The following PTPRD variants were observed in gnomAD, a reference collection of about 807,000 sequenced individuals.
PTPRD encodes protein tyrosine phosphatase receptor type D.
In PTPRD, 34 loss-of-function variants were observed where a neutral mutation model predicts 214.5. The observed-to-expected ratio is 0.16, with a 90% CI of 0.12 to 0.21. PTPRD has a LOEUF of 0.21. Among genes scored for constraint, PTPRD ranks in the 10% least tolerant of loss-of-function variants. The pLI is 1.00. For missense variants in PTPRD, 2,545 were observed against 2,398.7 expected, an observed-to-expected ratio of 1.06 and a Z score of -1.27; for synonymous variants, 1,128 against 845.7, an observed-to-expected ratio of 1.33 and a Z score of -5.79.
chr9:10,203,976 G>C (rs751076002), intron 3 of PTPRD, among the ~76,000 whole-genome samples: 3 of 152,116 alleles, frequency 2.0e-5, no homozygotes, highest in Non-Finnish European at 4.4e-5. Context: ...TTTGATGGCA[G>C]AATCTGTGAA....
At chr9:9,054,715 T>C (rs556836330) in intron 10 of PTPRD, among the ~76,000 whole-genome samples, 1 of 152,326 alleles carries the variant, frequency 6.6e-6, no homozygotes, top group East Asian at 1.9e-4. Context: ...ATTGATCATA[T>C]ACTGGTGTGT....
chr9:9,974,202 G>A (rs2095265318), intron 4 of PTPRD, among the ~76,000 whole-genome samples: 1 of 152,174 alleles, frequency 6.6e-6, no homozygotes, highest in Non-Finnish European at 1.5e-5. Flanking sequence ...TGACACATAT[G>A]TAACGATTAC....
intron 39 of PTPRD, among the ~76,000 whole-genome samples, chr9:8,370,712 ACAGAGAAAT>A (rs2081280736): frequency 6.6e-6 from 1 of 152,052 alleles, no homozygotes; most frequent in South Asian, 2.1e-4. Context: ...GGAAGGCTTG[ACAGAGAAAT>A]CAGAGAAATG....
intron 9 of PTPRD, among the ~76,000 whole-genome samples, chr9:9,243,409 G>A (rs555254698): frequency 2.0e-4 from 31 of 152,128 alleles, no homozygotes; most frequent in Non-Finnish European, 2.9e-4. Context: ...CTGGCAAACC[G>A]AATCCAGCAG....
At chr9:8,409,267 C>A (rs1323019933) in intron 35 of PTPRD, among the ~76,000 whole-genome samples, 9 of 152,114 alleles carry the variant, frequency 5.9e-5, no homozygotes, top group Non-Finnish European at 8.8e-5. Flanking sequence ...AAATAACTTT[C>A]TCAGGGTCAA....
chr9:10,449,109 G>GC (rs1424984904), intron 2 of PTPRD, among the ~76,000 whole-genome samples: 2 of 150,356 alleles, frequency 1.3e-5, no homozygotes, highest in African/African-American at 5.0e-5. Context: ...GGACTGTACT[G>GC]CCGCCATCTC....
intron 35 of PTPRD, among the ~76,000 whole-genome samples, chr9:8,418,298 C>G (rs1028465619): frequency 2.6e-5 from 4 of 151,632 alleles, no homozygotes; most frequent in African/African-American, 9.7e-5. Context: ...CAATTCATTA[C>G]TGCCTGGAGC....
intron 9 of PTPRD, among the ~76,000 whole-genome samples, chr9:9,327,727 T>G (rs2040556333): frequency 6.6e-6 from 1 of 152,108 alleles, no homozygotes; most frequent in South Asian, 2.1e-4. Flanking sequence ...AATACTTCTA[T>G]TTTTTCACTG....
At chr9:10,223,997 G>A (rs547460994) in intron 3 of PTPRD, among the ~76,000 whole-genome samples, 26 of 151,608 alleles carry the variant, frequency 1.7e-4, no homozygotes, top group Middle Eastern at 3.4e-3. Context: ...ATATGATTAC[G>A]TTGATTTGAA....
intron 20 of PTPRD, among the ~76,000 whole-genome samples, chr9:8,520,965 C>A (rs1564029570): frequency 6.6e-6 from 1 of 151,990 alleles, no homozygotes; most frequent in Admixed American, 6.6e-5. Context: ...AGACTGTACA[C>A]ATCAGTCCCA....
At chr9:8,367,130 G>A (rs941077043) in intron 39 of PTPRD, among the ~76,000 whole-genome samples, 3 of 152,138 alleles carry the variant, frequency 2.0e-5, no homozygotes, top group South Asian at 2.1e-4. Flanking sequence ...TTCAAGTAAT[G>A]AGCCTAGTTC....
chr9:9,504,373 T>G (rs2154233195), intron 8 of PTPRD, among the ~76,000 whole-genome samples: 1 of 151,828 alleles, frequency 6.6e-6, no homozygotes, highest in Non-Finnish European at 1.5e-5. Flanking sequence ...AGTAGATAAT[T>G]CTTATGGCTT....
At chr9:9,123,277 A>G (rs945208102) in intron 10 of PTPRD, among the ~76,000 whole-genome samples, 2 of 152,204 alleles carry the variant, frequency 1.3e-5, no homozygotes, top group Non-Finnish European at 2.9e-5. Context: ...TTGGAAACCC[A>G]GGTGTTGGAG....
chr9:10,328,078 TAAAC>T (rs1156602764), intron 3 of PTPRD, among the ~76,000 whole-genome samples: 1 of 150,846 alleles, frequency 6.6e-6, no homozygotes, highest in Non-Finnish European at 1.5e-5. Flanking sequence ...AAAACAACAC[TAAAC>T]AAACAAAAAA....
chr9:8,341,500 G>A (rs1053445375), intron 40 of PTPRD, among the ~76,000 whole-genome samples, 193 bp downstream of exon 40: 1 of 152,050 alleles, frequency 6.6e-6, no homozygotes, highest in Non-Finnish European at 1.5e-5. Flanking sequence ...AGACATAAGG[G>A]CTCAAGATAT....
At chr9:9,061,441 C>T (rs2099707170) in intron 10 of PTPRD, among the ~76,000 whole-genome samples, 1 of 152,112 alleles carries the variant, frequency 6.6e-6, no homozygotes, top group East Asian at 1.9e-4. Flanking sequence ...TCGGTAAAAA[C>T]TACACTATTG....
chr9:9,561,948 A>T (rs2083076732), intron 8 of PTPRD, among the ~76,000 whole-genome samples: 1 of 152,084 alleles, frequency 6.6e-6, no homozygotes. Context: ...TTTAAATGTC[A>T]TCTCTGTGCC....
chr9:8,756,017 T>A (rs56253901), intron 11 of PTPRD, among the ~76,000 whole-genome samples: 15,511 of 152,256 alleles, frequency 0.1, 1,811 homozygotes, highest in African/African-American at 0.28. Context: ...GAGGAAAATA[T>A]GATCTCAGAC....
chr9:10,092,309 A>G (rs2154199495), intron 3 of PTPRD, among the ~76,000 whole-genome samples: 1 of 151,570 alleles, frequency 6.6e-6, no homozygotes, highest in East Asian at 2.0e-4. Context: ...TTTAGGTATC[A>G]TACATATAAG....
Sources: gnomAD v4.1 joint callset for allele counts (sites outside exome capture counted in the v4.1 genomes callset) on GRCh38, gnomAD v4.1.1 for gene constraint, MANE v1.5 for transcripts, NCBI Gene and HGNC (gene_info 2026-07-23, HGNC 2026-07-21) for gene names.